The following ASB4 variants were observed in gnomAD, a reference collection of about 807,000 sequenced individuals.
ASB4 encodes ankyrin repeat and SOCS box containing 4, also known as ankyrin repeat and SOCS box protein 4.
A neutral mutation model predicts 38.6 loss-of-function variants in ASB4; 35 were observed. That is an observed-to-expected ratio of 0.91 (90% CI 0.69 to 1.20). The LOEUF (loss-of-function observed/expected upper bound fraction) is 1.20. Ranked by LOEUF, ASB4 falls within the 50% of genes most tolerant of loss-of-function variation. The pLI, the probability that ASB4 is intolerant of heterozygous loss-of-function variation, is 0.00. For synonymous variants in ASB4, 195 were observed against 201.3 expected (o/e 0.97, Z 0.26); for missense variants, 557 against 527.2 (o/e 1.06, Z -0.55).
chr7:95,506,576 A>T (rs189017407), intron 2 of ASB4, among the ~76,000 whole-genome samples: 13 of 152,152 alleles, frequency 8.5e-5, no homozygotes, highest in East Asian at 7.7e-4. Context: ...TGGTGAAGGC[A>T]TTGCCCCATT....
intron 1 of ASB4, among the ~76,000 whole-genome samples, chr7:95,490,866 A>G (rs1790161622): frequency 6.6e-6 from 1 of 152,262 alleles, no homozygotes; most frequent in African/African-American, 2.4e-5. Flanking sequence ...TTTCAGGGAT[A>G]AAACTTCTCA....
Position 95,537,582 on chromosome 7 carries a change from T to A in ASB4, c.1104T>A (p.Asp368Glu). ...IPDDDLEKYW[D>E]FYHSLFTVCC... ...GCCTTCCTTTTCAGAAATACTGGGA[T>A]TTTTACCACTCTCTCTTTACTGTGT... The change falls in exon 5 of 5, where the codon GAT (aspartate) becomes GAA (glutamate). Residue 368 changes from aspartate (D) to glutamate (E), a missense_variant. Physicochemically the swap from Asp to Glu is conservative, Grantham distance 45. Transcript: ENST00000325885. 1.3e-6 allele frequency: 2 copies of A among 1,593,968 alleles called. No homozygotes were observed. Among genetic ancestry groups the A allele is most frequent in the Non-Finnish European group, 1.7e-6 (2 of 1,167,968 alleles).
intron 2 of ASB4, among the ~76,000 whole-genome samples, chr7:95,496,872 C>A (rs1456074356): frequency 1.3e-5 from 2 of 151,632 alleles, no homozygotes; most frequent in Non-Finnish European, 2.9e-5. Flanking sequence ...AGAACAAAAA[C>A]AAACAAAAAA....
intron 2 of ASB4, among the ~76,000 whole-genome samples, chr7:95,514,461 A>T (rs1790527171): frequency 6.6e-6 from 1 of 152,240 alleles, no homozygotes. Flanking sequence ...ACATCATAAA[A>T]ATGAATGAAT....
At chr7:95,471,754 A>G in the ASB4 span, 11,070 of 151,982 alleles carry the variant, frequency 0.073, 562 homozygotes, top group African/African-American at 0.14. Context: ...AGCTGGGGCA[A>G]AGGTAGCAGG....
At chr7:95,497,473 G>T (rs907032867) in intron 2 of ASB4, among the ~76,000 whole-genome samples, 1 of 152,236 alleles carries the variant, frequency 6.6e-6, no homozygotes, top group Non-Finnish European at 1.5e-5. Flanking sequence ...TAAATAGGCA[G>T]ATAGTGATGC....
chr7:95,479,744 G>C (rs894520582), intron 1 of ASB4, among the ~76,000 whole-genome samples: 1 of 152,210 alleles, frequency 6.6e-6, no homozygotes, highest in Non-Finnish European at 1.5e-5. Context: ...TGAGGATGCT[G>C]TTGTGGGTTT....
chr7:95,527,015 C>CA (rs1378923439), intron 2 of ASB4, among the ~76,000 whole-genome samples: 4 of 152,156 alleles, frequency 2.6e-5, no homozygotes, highest in Non-Finnish European at 5.9e-5. Flanking sequence ...TTTCCAAGTA[C>CA]AAAAAATTCC....
chr7:95,496,668 G>A (rs1219936062), intron 2 of ASB4, among the ~76,000 whole-genome samples: 1 of 152,022 alleles, frequency 6.6e-6, no homozygotes, highest in Non-Finnish European at 1.5e-5. Flanking sequence ...GCAACATAGG[G>A]AGACCCCATC....
intron 2 of ASB4, among the ~76,000 whole-genome samples, chr7:95,510,392 A>C (rs1790463735): frequency 1.3e-5 from 2 of 152,180 alleles, no homozygotes; most frequent in African/African-American, 4.8e-5. Flanking sequence ...AGATATATTG[A>C]AAATCCATTA....
chr7:95,486,682 T>G (rs1191247771), intron 1 of ASB4, among the ~76,000 whole-genome samples: 1 of 152,248 alleles, frequency 6.6e-6, no homozygotes, highest in Non-Finnish European at 1.5e-5. Context: ...GTCTTCTTCA[T>G]TTTAATGAGT....
At chr7:95,506,598 T>C (rs909262090) in intron 2 of ASB4, among the ~76,000 whole-genome samples, 2 of 152,188 alleles carry the variant, frequency 1.3e-5, no homozygotes, top group Non-Finnish European at 2.9e-5. Context: ...CCTTCTAGTT[T>C]CCAGTACTGC....
At chr7:95,536,619 A>G in intron 4 of ASB4, 69 bp downstream of exon 4, 1 of 1,145,274 alleles carries the variant, frequency 8.7e-7, no homozygotes, top group Non-Finnish European at 1.2e-6. Context: ...GAAGTACAGA[A>G]AATTGTAACA....
intron 2 of ASB4, among the ~76,000 whole-genome samples, chr7:95,515,289 CTTTCTT>C (rs1562817242): frequency 1.4e-4 from 16 of 114,284 alleles, no homozygotes; most frequent in Admixed American, 5.7e-4. Context: ...TTCTTTCTTT[CTTTCTT>C]TCTTTCTTTC....
Position 95,537,576 on chromosome 7 carries a change from C to T in ASB4, c.1098C>T (p.Tyr366=). ...TGTCTTGCCTTCCTTTTCAGAAATA[C>T]TGGGATTTTTACCACTCTCTCTTTA... ...RAIPDDDLEK[Y]WDFYHSLFTV... is the part of the protein sequence containing the mutation. Residue 366 remains tyrosine (Y), a synonymous_variant, in exon 5 of 5, where the codon TAC becomes TAT. Coordinates refer to ENST00000325885, the MANE Select transcript of ASB4 (RefSeq NM_016116.3). 1 of 1,590,032 alleles carries T rather than the reference C, an allele frequency of 6.3e-7. No homozygotes were observed. Among genetic ancestry groups the T allele is most frequent in the Non-Finnish European group, 8.6e-7 (1 of 1,166,168 alleles).
chr7:95,488,613 T>C (rs1417867410), intron 1 of ASB4, among the ~76,000 whole-genome samples: 1 of 152,198 alleles, frequency 6.6e-6, no homozygotes, highest in African/African-American at 2.4e-5. Context: ...TTAAAAGGTA[T>C]GTGGCTGGAT....
intron 1 of ASB4, among the ~76,000 whole-genome samples, chr7:95,495,273 T>G (rs1790228620): frequency 6.6e-6 from 1 of 152,174 alleles, no homozygotes; most frequent in Non-Finnish European, 1.5e-5. Context: ...TATGTTGGAT[T>G]GACAACAACT....
intron 2 of ASB4, among the ~76,000 whole-genome samples, chr7:95,508,487 T>C (rs772942038): frequency 2.0e-5 from 3 of 152,202 alleles, no homozygotes; most frequent in Non-Finnish European, 2.9e-5. Flanking sequence ...TAGGGAATTA[T>C]AGAGAACAGG....
chr7:95,493,422 G>A (rs1426423438), intron 1 of ASB4, among the ~76,000 whole-genome samples: 3 of 151,016 alleles, frequency 2.0e-5, no homozygotes, highest in Non-Finnish European at 4.4e-5. Flanking sequence ...CTAGGTTGGA[G>A]GATACATTAC....
Sources: gnomAD v4.1 joint callset for allele counts (sites outside exome capture counted in the v4.1 genomes callset) on GRCh38, gnomAD v4.1.1 for gene constraint, MANE v1.5 for transcripts, NCBI Gene and HGNC (gene_info 2026-07-23, HGNC 2026-07-21) for gene names.